The following PCDHA1 variants were observed in gnomAD, a reference collection of about 807,000 sequenced individuals.
PCDHA1 encodes the protein protocadherin alpha-1.
Under a neutral mutation model 61.3 loss-of-function variants are expected in PCDHA1, and 42 were observed. That is an observed-to-expected ratio of 0.69 (90% confidence interval 0.54 to 0.89). PCDHA1 has a LOEUF of 0.89. PCDHA1 is among the 40% of genes least tolerant of loss of function. PCDHA1 has a pLI of 0.00. For synonymous variants in PCDHA1, 610 were observed against 553.8 expected (o/e 1.10, Z -1.43); for missense variants, 1,256 against 1,235.3 (o/e 1.02, Z -0.25).
chr5:140,794,962 G>A (rs1554119209), intron 1 of PCDHA1: 3 of 1,606,336 alleles, frequency 1.9e-6, no homozygotes, highest in Non-Finnish European at 1.7e-6. Flanking sequence ...TTGAGGATTG[G>A]TAATGGCGTC....
rs563652109 is a variant in PCDHA1 at position 140,884,316 on chromosome 5, C to G, written c.2395-94633C>G. 26 of 1,613,752 alleles carry G rather than the reference C, an allele frequency of 1.6e-5. 2 individuals carry two copies. The South Asian group carries it at 2.5e-4, about 16-fold the overall frequency. On this transcript the variant is annotated intron_variant, in intron 1 of 3. Transcript: ENST00000504120. ...GCGCCACAGGCTTCGTCGAGGGCGT[C>G]GGCAGGCGCTGTGGGTCCAGAAGCG...
At chr5:140,988,482 C>T (rs1017365611) in intron 3 of PCDHA1, among the ~76,000 whole-genome samples, 1 of 152,152 alleles carries the variant, frequency 6.6e-6, no homozygotes, top group Non-Finnish European at 1.5e-5. Flanking sequence ...GAATTAGCAT[C>T]CCCTACCTAG....
At chr5:140,876,568 G>C (rs1302204057) in intron 1 of PCDHA1, 2 of 1,614,046 alleles carry the variant, frequency 1.2e-6, no homozygotes, top group African/African-American at 1.3e-5. Context: ...TGCTCAGGTG[G>C]GTACCGTCAT....
chr5:140,910,346 G>C (rs2074987326), intron 1 of PCDHA1, among the ~76,000 whole-genome samples: 1 of 152,152 alleles, frequency 6.6e-6, no homozygotes, highest in Admixed American at 6.5e-5. Flanking sequence ...CTTTGCCTCT[G>C]CTGTCCATTA....
At chr5:140,946,631 T>TATACAC (rs57893927) in intron 1 of PCDHA1, among the ~76,000 whole-genome samples, 2 of 131,842 alleles carry the variant, frequency 1.5e-5, no homozygotes, top group Non-Finnish European at 3.1e-5. Flanking sequence ...TATATATATA[T>TATACAC]ACAATGGAAT....
Position 140,843,508 on chromosome 5 carries a change from G to A in PCDHA1, c.2394+54824G>A, listed in dbSNP as rs2150361368. On this transcript the variant is annotated intron_variant, in intron 1 of 3. Transcript: ENST00000504120. ...TGCGGTGCTCAGCACTGCCCACTGA[G>A]GGCGGGTGCCGGGCGGGCAAGCCCA... 2.5e-6 allele frequency: 4 copies of A among 1,596,038 alleles called. No individual in the cohort carries two copies. The Admixed American group carries it at 6.7e-5, about 27-fold the overall frequency.
intron 1 of PCDHA1, among the ~76,000 whole-genome samples, chr5:140,920,594 C>G (rs1347372573): frequency 1.3e-5 from 2 of 152,176 alleles, no homozygotes; most frequent in Admixed American, 1.3e-4. Flanking sequence ...GCCTGTAATC[C>G]CAGCACTTTG....
chr5:140,856,154 G>C lies in PCDHA1; in HGVS notation c.2394+67470G>C, dbSNP rs147800828. The stretch of plus-strand genomic sequence containing the variant: ...CGGCCAGCTCCACTACTCAGTCTAC[G>C]AGGAGGCCAGACACGGCACCTTCGT... On this transcript the variant is annotated intron_variant, in intron 1 of 3. Transcript: ENST00000504120. 5.9e-5 allele frequency: 95 copies of C among 1,598,194 alleles called. 6 individuals are homozygous for C. The highest frequency in any genetic ancestry group is 7.7e-5 in the Non-Finnish European group (90 of 1,167,888).
In PCDHA1 at chr5:140,883,789, C is replaced by T. The variant is rs782802452; in HGVS notation, c.2394+95105C>T. ...TGGGCGAGCGTGCGCTGTCGAGCTACGTGTCGGTGCACGCGGAGAGCGGCA... is the reference window on the plus strand; with the variant it reads ...TGGGCGAGCGTGCGCTGTCGAGCTATGTGTCGGTGCACGCGGAGAGCGGCA... On this transcript the variant is annotated intron_variant, in intron 1 of 3. Coordinates refer to ENST00000504120, the MANE Select transcript of PCDHA1 (RefSeq NM_018900.4). 1.4e-5 allele frequency: 22 copies of T among 1,612,296 alleles called. No homozygotes were observed. In the South Asian group the frequency reaches 2.0e-4, roughly 14 times the overall value.
rs2150133145 is a variant in PCDHA1, at chr5:140,824,197, C to CT, written c.2394+35520dup. 4.4e-5 allele frequency: 70 copies of CT among 1,598,448 alleles called. No homozygotes were observed. In the African/African-American group the frequency reaches 7.8e-4, roughly 18 times the overall value. ...AAATATTAAATGTCACATTCACCCA[C>CT]TTTTTTTGTATTTAAAAATTATGTC... is the stretch of plus-strand genomic sequence containing the variant. On this transcript the variant is annotated intron_variant, in intron 1 of 3. Coordinates refer to ENST00000504120, the MANE Select transcript of PCDHA1 (RefSeq NM_018900.4).
intron 1 of PCDHA1, chr5:140,802,334 A>C (rs1581650100): frequency 6.2e-7 from 1 of 1,614,250 alleles, no homozygotes. Flanking sequence ...ACCGCGACTC[A>C]GGAGTCAATG....
At chr5:140,884,907 C>T (rs1263861482) in intron 1 of PCDHA1, among the ~76,000 whole-genome samples, 2 of 152,148 alleles carry the variant, frequency 1.3e-5, no homozygotes, top group Non-Finnish European at 2.9e-5. Flanking sequence ...CTGTTGTATT[C>T]TTAATAGTTC....
intron 1 of PCDHA1, chr5:140,823,826 G>C: frequency 6.2e-7 from 1 of 1,613,820 alleles, no homozygotes; most frequent in Non-Finnish European, 8.5e-7. Flanking sequence ...GCGTCGGCGG[G>C]CGCTGTGGGT....
intron 1 of PCDHA1, chr5:140,841,338 G>C (rs2150313822): frequency 1.2e-6 from 2 of 1,611,372 alleles, no homozygotes; most frequent in South Asian, 1.1e-5. Flanking sequence ...TATCACTGGC[G>C]AGGAGAGCTG....
intron 1 of PCDHA1, chr5:140,875,939 G>A (rs2055971750): frequency 6.2e-7 from 1 of 1,614,158 alleles, no homozygotes; most frequent in Non-Finnish European, 8.5e-7. Flanking sequence ...CCTCTAGAGG[G>A]CGCTTCTGAT....
chr5:140,983,806 G>T (rs981942088), intron 3 of PCDHA1, among the ~76,000 whole-genome samples: 1 of 152,110 alleles, frequency 6.6e-6, no homozygotes, highest in Non-Finnish European at 1.5e-5. Flanking sequence ...GTGTGTAAAA[G>T]GTTTTTTCCC....
chr5:140,891,885 C>T (rs546305739), intron 1 of PCDHA1, among the ~76,000 whole-genome samples: 22 of 152,288 alleles, frequency 1.4e-4, no homozygotes, highest in African/African-American at 2.2e-4. Context: ...TGTCATGTGA[C>T]GATGCAGCAA....
At position 140,850,653 on chromosome 5, in the gene PCDHA1, G is replaced by T. The variant is rs1472245010; in HGVS notation, c.2394+61969G>T. The T allele has an allele frequency of 2.5e-6, 4 of 1,598,606 alleles. No homozygotes were observed. The African/African-American group carries it at 4.0e-5, about 16-fold the overall frequency. On this transcript the variant is annotated intron_variant, in intron 1 of 3. Transcript: ENST00000504120. Reference sequence around the variant, plus strand: ...GGTTCTCACGCTGCTGCTGTACACTGTGCTGCGGTGCTCGGCGATGCCCAC... The same window carrying T: ...GGTTCTCACGCTGCTGCTGTACACTTTGCTGCGGTGCTCGGCGATGCCCAC...
intron 1 of PCDHA1, chr5:140,877,965 G>A (rs1049843517): frequency 1.8e-5 from 23 of 1,304,904 alleles, no homozygotes; most frequent in Non-Finnish European, 2.2e-5. Context: ...CATCTTTCTT[G>A]GTCATTCTTA....
Sources: allele counts gnomAD v4.1 joint callset (sites outside exome capture counted in the v4.1 genomes callset), GRCh38; gene constraint gnomAD v4.1.1; transcripts MANE v1.5; gene names NCBI Gene and HGNC (gene_info 2026-07-23, HGNC 2026-07-21).